STIM1: variants seen among roughly 807,000 people sequenced by gnomAD.
STIM1 encodes the protein stromal interaction molecule 1.
A neutral mutation model predicts 74.7 loss-of-function variants in STIM1; 25 were observed. The observed-to-expected ratio is 0.33, with a 90% CI of 0.24 to 0.47. The LOEUF is 0.47. Ranked by LOEUF, STIM1 falls within the 20% of genes least tolerant of loss-of-function variation. The pLI is 1.00. For missense variants in STIM1, 728 were observed against 920.8 expected, an observed-to-expected ratio of 0.79 and a Z score of 2.71; for synonymous variants, 328 against 348.8, an observed-to-expected ratio of 0.94 and a Z score of 0.66.
intron 1 of STIM1, among the ~76,000 whole-genome samples, chr11:3,934,758 G>T (rs532800930): frequency 3.1e-4 from 47 of 152,150 alleles, no homozygotes; most frequent in Non-Finnish European, 6.0e-4. Context: ...TATCTCCCAG[G>T]CCCATAGCCC....
chr11:3,950,558 ATT>A (rs917958819), intron 1 of STIM1, among the ~76,000 whole-genome samples: 1 of 152,194 alleles, frequency 6.6e-6, no homozygotes, highest in Non-Finnish European at 1.5e-5. Context: ...TTCTGTGAGC[ATT>A]TATGTACAGG....
At chr11:4,040,218 G>A (rs1353441307) in intron 3 of STIM1, among the ~76,000 whole-genome samples, 2 of 152,060 alleles carry the variant, frequency 1.3e-5, no homozygotes, top group African/African-American at 4.8e-5. Flanking sequence ...AATTTACTGA[G>A]TACCTTCTAT....
intron 1 of STIM1, among the ~76,000 whole-genome samples, chr11:3,876,270 A>G (rs572498701): frequency 6.6e-6 from 1 of 152,330 alleles, no homozygotes; most frequent in South Asian, 2.1e-4. Context: ...AGACCTAGGT[A>G]GGAAGAAGGA....
chr11:4,004,688 T>C (rs1044105364), intron 2 of STIM1, among the ~76,000 whole-genome samples: 3 of 146,792 alleles, frequency 2.0e-5, no homozygotes, highest in African/African-American at 8.1e-5. Context: ...AAGGACTTCA[T>C]GTCTAAAACA....
intron 1 of STIM1, among the ~76,000 whole-genome samples, chr11:3,922,200 T>G (rs2092725968): frequency 6.6e-6 from 1 of 152,184 alleles, no homozygotes. Context: ...CTTTTTTATT[T>G]TAGCCATTCT....
chr11:3,977,709 A>T (rs754020860), intron 2 of STIM1, among the ~76,000 whole-genome samples: 57 of 152,304 alleles, frequency 3.7e-4, no homozygotes, highest in Non-Finnish European at 7.4e-4. Context: ...TGGCTTTGCC[A>T]CTTACTGGCT....
rs1374281428 is a variant in STIM1 at position 4,002,719 on chromosome 11, G to T, written c.271-21154G>T. On this transcript the variant is annotated intron_variant, in intron 2 of 12. Transcript: ENST00000526596. ...AAACACATTCAAAAGCTAGCAGAAG[G>T]CAAGAAATAACTAAAATCAGAGCAG... Among the ~76,000 whole-genome samples, 584 of 149,380 alleles carry T rather than the reference G, an allele frequency of 3.9e-3. 4 individuals are homozygous for T. The highest frequency in any genetic ancestry group is 0.012 in the African/African-American group (489 of 40,674).
chr11:3,899,001 T>C (rs1181836337), intron 1 of STIM1, among the ~76,000 whole-genome samples: 1 of 152,008 alleles, frequency 6.6e-6, no homozygotes, highest in Non-Finnish European at 1.5e-5. Context: ...CGATGTGGGC[T>C]CTTTTTTGGT....
intron 1 of STIM1, among the ~76,000 whole-genome samples, chr11:3,908,286 A>T (rs1312740113): frequency 1.3e-5 from 2 of 152,204 alleles, no homozygotes; most frequent in Non-Finnish European, 2.9e-5. Flanking sequence ...GTCTTGCAGG[A>T]TACTACTATT....
Position 3,879,924 on chromosome 11 carries a change from C to T in STIM1, c.139+23515C>T, listed in dbSNP as rs558382150. 3.9e-5 allele frequency among the ~76,000 whole-genome samples: 6 copies of T among 152,158 alleles called. No individual in the cohort carries two copies. The South Asian group carries it at 1.2e-3, about 32-fold the overall frequency. On this transcript the variant is annotated intron_variant, in intron 1 of 12. Coordinates refer to ENST00000526596, the MANE Select transcript of STIM1 (RefSeq NM_001382567.1). ...CATCAGTGTTCTGGGTTGCTATTGCCGAGAGAATTCTCTTTCTGTGGCTAT... is the reference window on the plus strand; with the variant it reads ...CATCAGTGTTCTGGGTTGCTATTGCTGAGAGAATTCTCTTTCTGTGGCTAT...
At chr11:4,062,347 C>T (rs979405005) in intron 5 of STIM1, among the ~76,000 whole-genome samples, 31 of 152,182 alleles carry the variant, frequency 2.0e-4, no homozygotes, top group African/African-American at 6.0e-4. Context: ...TTGCTAGGTA[C>T]GGTGGCTCAT....
rs186059202 is a variant in STIM1, at chr11:4,064,814, C to T, written c.614-5212C>T. Among the ~76,000 whole-genome samples, 328 of 152,288 alleles carry T rather than the reference C, an allele frequency of 2.2e-3. 4 individuals carry two copies. Among genetic ancestry groups the T allele is most frequent in the African/African-American group, 7.5e-3 (313 of 41,566 alleles). ...GCACACTGCCCTTTAGGATCTTTTTCACTCTACAGAGTTGGCTCTGGGTTT... is the reference window on the plus strand; with the variant it reads ...GCACACTGCCCTTTAGGATCTTTTTTACTCTACAGAGTTGGCTCTGGGTTT... On this transcript the variant is annotated intron_variant, in intron 5 of 12. Transcript: ENST00000526596.
intron 7 of STIM1, among the ~76,000 whole-genome samples, chr11:4,076,886 A>G (rs1356406619): frequency 6.6e-6 from 1 of 151,854 alleles, no homozygotes; most frequent in African/African-American, 2.4e-5. Context: ...CTAAGATCAG[A>G]GAACATATGC....
chr11:4,050,489 C>T (rs1047641128), intron 3 of STIM1, among the ~76,000 whole-genome samples: 5 of 152,250 alleles, frequency 3.3e-5, no homozygotes, highest in African/African-American at 1.2e-4. Flanking sequence ...CAGTTTATAT[C>T]TTTTAGTGGG....
chr11:4,027,886 A>G (rs989265924), intron 3 of STIM1, among the ~76,000 whole-genome samples: 3 of 152,136 alleles, frequency 2.0e-5, no homozygotes, highest in African/African-American at 7.2e-5. Flanking sequence ...ATCCTTGAGA[A>G]ATAGAATTAC....
chr11:3,914,533 T>C (rs4910860), intron 1 of STIM1, among the ~76,000 whole-genome samples: 80,887 of 151,974 alleles, frequency 0.53, 22,812 homozygotes, highest in African/African-American at 0.74. Flanking sequence ...TCTCTGCCTC[T>C]TGGGTTCAAA....
At position 4,090,305 on chromosome 11, in the gene STIM1, G is replaced by A. The variant is rs115179041; in HGVS notation, c.1635-977G>A. ...CTAGCAAGTTTAGATGACTTGACTT[G>A]TCCAAGATCACACAGGAGTCCAGAC... On this transcript the variant is annotated intron_variant, in intron 12 of 12. Transcript: ENST00000526596. 9.5e-3 allele frequency among the ~76,000 whole-genome samples: 1,449 copies of A among 152,272 alleles called. 25 individuals carry two copies. Among genetic ancestry groups the A allele is most frequent in the African/African-American group, 0.033 (1,369 of 41,540 alleles).
At chr11:3,910,438 C>G (rs2092542478) in intron 1 of STIM1, among the ~76,000 whole-genome samples, 2 of 152,106 alleles carry the variant, frequency 1.3e-5, no homozygotes, top group Non-Finnish European at 1.5e-5. Context: ...TCATCAAAAA[C>G]TAAGGTCCAG....
At chr11:4,053,696 A>G (rs192668110) in intron 3 of STIM1, among the ~76,000 whole-genome samples, 189 of 152,232 alleles carry the variant, frequency 1.2e-3, no homozygotes, top group Admixed American at 2.2e-3. Flanking sequence ...AAACCTGCAC[A>G]TTGTGCACAT....
Sources: allele counts gnomAD v4.1 joint callset (sites outside exome capture counted in the v4.1 genomes callset), GRCh38; gene constraint gnomAD v4.1.1; transcripts MANE v1.5; gene names NCBI Gene and HGNC (gene_info 2026-07-23, HGNC 2026-07-21).